CSMD1: variants seen among roughly 807,000 people sequenced by gnomAD.
CSMD1 encodes CUB and sushi domain-containing protein 1.
CSMD1 carries 213 observed loss-of-function variants against 417.5 expected under a neutral mutation model. The ratio of observed to expected loss-of-function variants is 0.51; its 90% CI spans 0.46 to 0.57. The LOEUF is 0.57. Among genes scored for constraint, CSMD1 ranks in the 20% least tolerant of loss-of-function variants. The pLI, the probability that CSMD1 is intolerant of heterozygous loss-of-function variation, is 0.00. For missense variants in CSMD1, 6,923 were observed against 4,529.7 expected, an observed-to-expected ratio of 1.53 and a Z score of -15.17; for synonymous variants, 2,862 against 1,736.8, an observed-to-expected ratio of 1.65 and a Z score of -16.11.
intron 1 of CSMD1, among the ~76,000 whole-genome samples, chr8:4,694,492 T>A (rs1444424186): frequency 6.6e-6 from 1 of 151,946 alleles, no homozygotes; most frequent in Non-Finnish European, 1.5e-5. Flanking sequence ...GCTGGGGCTA[T>A]CTATATGCAT....
intron 1 of CSMD1, among the ~76,000 whole-genome samples, chr8:4,713,058 G>A (rs536469328): frequency 6.6e-6 from 1 of 152,180 alleles, no homozygotes; most frequent in Non-Finnish European, 1.5e-5. Context: ...AAGGTCTTCT[G>A]CCAGAATCGG....
At chr8:4,188,521 G>C (rs761923656) in intron 3 of CSMD1, among the ~76,000 whole-genome samples, 3 of 152,060 alleles carry the variant, frequency 2.0e-5, no homozygotes, top group South Asian at 4.1e-4. Context: ...CTTGCAAATA[G>C]TTTATTTGAG....
chr8:3,488,673 A>G (rs1818195921), intron 11 of CSMD1, among the ~76,000 whole-genome samples: 1 of 152,264 alleles, frequency 6.6e-6, no homozygotes. Context: ...TCAATAAATA[A>G]TTATTTAAAG....
intron 1 of CSMD1, among the ~76,000 whole-genome samples, chr8:4,945,776 G>A (rs959262708): frequency 1.3e-5 from 2 of 152,112 alleles, no homozygotes; most frequent in Non-Finnish European, 2.9e-5. Context: ...ATGAATACTG[G>A]AGAATGGTGA....
chr8:4,041,216 A>G (rs1797876921), intron 3 of CSMD1, among the ~76,000 whole-genome samples: 2 of 151,640 alleles, frequency 1.3e-5, no homozygotes, highest in Non-Finnish European at 1.5e-5. Flanking sequence ...ACGGGGTTTC[A>G]CCGTGTTAGC....
At chr8:3,369,155 TTA>T (rs1809790828) in intron 19 of CSMD1, 97 bp downstream of exon 19, 1 of 606,438 alleles carries the variant, frequency 1.6e-6, no homozygotes, top group Non-Finnish European at 3.0e-6. Context: ...AGAAAAGTAG[TTA>T]TCTCACTTGT....
At chr8:4,616,687 G>A (rs777379210) in intron 2 of CSMD1, among the ~76,000 whole-genome samples, 1 of 152,160 alleles carries the variant, frequency 6.6e-6, no homozygotes, top group Non-Finnish European at 1.5e-5. Context: ...GACTTTAAAA[G>A]CATCTTGACT....
intron 54 of CSMD1, among the ~76,000 whole-genome samples, chr8:2,980,382 T>G (rs1426706315): frequency 1.3e-5 from 2 of 151,722 alleles, no homozygotes; most frequent in Admixed American, 6.6e-5. Flanking sequence ...TTCCTCCTCC[T>G]CTTCCTTCTT....
chr8:4,710,690 A>G (rs920736439), intron 1 of CSMD1, among the ~76,000 whole-genome samples: 1 of 150,868 alleles, frequency 6.6e-6, no homozygotes, highest in African/African-American at 2.5e-5. Flanking sequence ...CTAAAAATAC[A>G]AAAAATTAGC....
At chr8:4,132,738 T>G (rs761484874) in intron 3 of CSMD1, among the ~76,000 whole-genome samples, 1 of 152,176 alleles carries the variant, frequency 6.6e-6, no homozygotes, top group African/African-American at 2.4e-5. Context: ...ATCAAAATGT[T>G]GCAGAGATAG....
At chr8:4,359,047 A>G (rs1485262274) in intron 3 of CSMD1, among the ~76,000 whole-genome samples, 2 of 152,164 alleles carry the variant, frequency 1.3e-5, no homozygotes, top group African/African-American at 2.4e-5. Context: ...GGCAAAATCA[A>G]TATACATGTG....
rs1241168475 is a variant in CSMD1, at chr8:3,992,747, C to T, written c.818+5156G>A. On this transcript the variant is annotated intron_variant, in intron 5 of 69. Coordinates refer to ENST00000635120, the MANE Select transcript of CSMD1 (RefSeq NM_033225.6). ...AGTGAGCTATGACAGCACCACTGTA[C>T]TCCACACTGGGTGACAGAAGGAGAC... Among the ~76,000 whole-genome samples the T allele has an allele frequency of 3.3e-5, 5 of 152,314 alleles. No individual in the cohort carries two copies. In the East Asian group the frequency reaches 9.7e-4, roughly 29 times the overall value.
chr8:4,048,137 G>C (rs1798244307), intron 3 of CSMD1, among the ~76,000 whole-genome samples: 1 of 152,140 alleles, frequency 6.6e-6, no homozygotes, highest in Non-Finnish European at 1.5e-5. Context: ...CTTGCCTAAG[G>C]TGAAAAGAAT....
At chr8:3,452,535 G>A (rs1401657998) in intron 12 of CSMD1, among the ~76,000 whole-genome samples, 1 of 152,192 alleles carries the variant, frequency 6.6e-6, no homozygotes, top group Admixed American at 6.5e-5. Context: ...AAGTGTTGTT[G>A]AATTTTGTCA....
intron 2 of CSMD1, among the ~76,000 whole-genome samples, chr8:4,494,190 G>A (rs748876060): frequency 2.0e-5 from 3 of 152,138 alleles, no homozygotes; most frequent in Non-Finnish European, 2.9e-5. Context: ...CCACATAAAT[G>A]TTAAGAAACC....
At chr8:4,283,652 C>T (rs545986950) in intron 3 of CSMD1, among the ~76,000 whole-genome samples, 2 of 152,220 alleles carry the variant, frequency 1.3e-5, no homozygotes, top group East Asian at 1.9e-4. Flanking sequence ...TGGACAAAAC[C>T]CAACAGACAC....
chr8:3,877,107 C>T (rs993784651), intron 5 of CSMD1, among the ~76,000 whole-genome samples: 1 of 152,168 alleles, frequency 6.6e-6, no homozygotes, highest in Admixed American at 6.5e-5. Context: ...TGAAGTAGTG[C>T]AACTCCTCGG....
chr8:4,230,802 T>G (rs1035837416), intron 3 of CSMD1, among the ~76,000 whole-genome samples: 1 of 152,318 alleles, frequency 6.6e-6, no homozygotes, highest in South Asian at 2.1e-4. Context: ...CCTCTCATAC[T>G]TCAGCAGCTT....
chr8:4,103,953 C>G (rs1183614785), intron 3 of CSMD1, among the ~76,000 whole-genome samples: 1 of 152,202 alleles, frequency 6.6e-6, no homozygotes, highest in Non-Finnish European at 1.5e-5. Flanking sequence ...TCCTCAAACC[C>G]TGTGCTGCAG....
Sources: allele counts gnomAD v4.1 joint callset (sites outside exome capture counted in the v4.1 genomes callset), GRCh38; gene constraint gnomAD v4.1.1; transcripts MANE v1.5; gene names NCBI Gene and HGNC (gene_info 2026-07-23, HGNC 2026-07-21).